Variants in FBXL7 observed in about 807,000 individuals in gnomAD.
FBXL7 encodes the protein F-box/LRR-repeat protein 7.
Under a neutral mutation model 38.3 loss-of-function variants are expected in FBXL7, and 12 were observed. The ratio of observed to expected loss-of-function variants is 0.31; its 90% CI spans 0.20 to 0.51. The LOEUF is 0.51. Ranked by LOEUF, FBXL7 falls within the 20% of genes least tolerant of loss-of-function variation. FBXL7 has a pLI of 0.98. For synonymous variants in FBXL7, 297 were observed against 300.9 expected (o/e 0.99, Z 0.13); for missense variants, 567 against 676.4 (o/e 0.84, Z 1.79).
intron 2 of FBXL7, among the ~76,000 whole-genome samples, chr5:15,690,938 T>C (rs549900740): frequency 3.9e-5 from 6 of 152,192 alleles, no homozygotes; most frequent in African/African-American, 1.4e-4. Flanking sequence ...GTGCTTGGAG[T>C]GTTATCAGTT....
intron 2 of FBXL7, among the ~76,000 whole-genome samples, chr5:15,790,059 C>T (rs1247884238): frequency 6.6e-6 from 1 of 152,164 alleles, no homozygotes; most frequent in Non-Finnish European, 1.5e-5. Flanking sequence ...CATTTCCACA[C>T]TGATGCTAAA....
intron 2 of FBXL7, among the ~76,000 whole-genome samples, chr5:15,861,991 G>A (rs1739495599): frequency 6.6e-6 from 1 of 152,136 alleles, no homozygotes; most frequent in Non-Finnish European, 1.5e-5. Context: ...ATAATTAGTG[G>A]TATAAGGTGA....
At chr5:15,829,044 A>C (rs1221274673) in intron 2 of FBXL7, among the ~76,000 whole-genome samples, 1 of 152,202 alleles carries the variant, frequency 6.6e-6, no homozygotes. Context: ...GAATGGTGAA[A>C]GATTCATGAT....
At chr5:15,856,193 A>C (rs772836543) in intron 2 of FBXL7, among the ~76,000 whole-genome samples, 78 of 152,118 alleles carry the variant, frequency 5.1e-4, no homozygotes, top group Non-Finnish European at 9.3e-4. Flanking sequence ...AAAAGCGGAA[A>C]CCCCTGATAA....
intron 1 of FBXL7, among the ~76,000 whole-genome samples, chr5:15,557,322 C>T (rs1738275731): frequency 6.6e-6 from 1 of 151,848 alleles, no homozygotes; most frequent in Non-Finnish European, 1.5e-5. Context: ...GCTGCTAAGC[C>T]CTACAAAAAT....
intron 2 of FBXL7, among the ~76,000 whole-genome samples, chr5:15,700,213 G>A (rs961435944): frequency 8.5e-5 from 13 of 152,136 alleles, no homozygotes; most frequent in African/African-American, 2.9e-4. Context: ...GAACTAAAAT[G>A]TAAACATGAG....
chr5:15,524,353 A>G (rs1241689769), intron 1 of FBXL7, among the ~76,000 whole-genome samples: 1 of 152,128 alleles, frequency 6.6e-6, no homozygotes, highest in Admixed American at 6.5e-5. Context: ...ATGACACTTA[A>G]CTTCTTGGGG....
intron 1 of FBXL7, among the ~76,000 whole-genome samples, chr5:15,568,536 G>A (rs1479822591): frequency 1.3e-5 from 2 of 151,488 alleles, no homozygotes; most frequent in African/African-American, 2.4e-5. Flanking sequence ...CCATTTTGTA[G>A]GTTGCCTGTT....
chr5:15,702,007 G>A (rs1743538535), intron 2 of FBXL7, among the ~76,000 whole-genome samples: 1 of 152,102 alleles, frequency 6.6e-6, no homozygotes, highest in Non-Finnish European at 1.5e-5. Flanking sequence ...GGAGACTGAG[G>A]CGGGCAGATC....
At chr5:15,821,281 T>A (rs1738162867) in intron 2 of FBXL7, among the ~76,000 whole-genome samples, 1 of 152,232 alleles carries the variant, frequency 6.6e-6, no homozygotes, top group African/African-American at 2.4e-5. Flanking sequence ...TAAATTAATT[T>A]TTTTAGGTTA....
At chr5:15,813,102 A>C (rs1087196) in intron 2 of FBXL7, among the ~76,000 whole-genome samples, 86,549 of 151,960 alleles carry the variant, frequency 0.57, 25,217 homozygotes, top group Non-Finnish European at 0.64. Context: ...TTCATCTCTT[A>C]CTATTTCAAT....
At chr5:15,527,229 A>C (rs1386170483) in intron 1 of FBXL7, among the ~76,000 whole-genome samples, 1 of 152,246 alleles carries the variant, frequency 6.6e-6, no homozygotes, top group Non-Finnish European at 1.5e-5. Context: ...CAGTAATGTC[A>C]GGTATAATAA....
rs768664619 is a variant in FBXL7 at position 15,808,351 on chromosome 5, A to G, written c.128-119539A>G. 3.3e-5 allele frequency among the ~76,000 whole-genome samples: 5 copies of G among 152,254 alleles called. No individual in the cohort carries two copies. The South Asian group carries it at 6.2e-4, about 19-fold the overall frequency. ...TAAGAAGGGCTTCTGAAAAAAATTC[A>G]TATATAAAACCATATATTTCCAGTT... is the stretch of plus-strand genomic sequence containing the variant. On this transcript the variant is annotated intron_variant, in intron 2 of 3. Coordinates refer to ENST00000504595, the MANE Select transcript of FBXL7 (RefSeq NM_012304.5).
chr5:15,651,929 G>T (rs528054022), intron 2 of FBXL7, among the ~76,000 whole-genome samples: 7 of 152,210 alleles, frequency 4.6e-5, no homozygotes, highest in Non-Finnish European at 8.8e-5. Context: ...ATTGGTCTTA[G>T]CTAGATCAGC....
intron 2 of FBXL7, among the ~76,000 whole-genome samples, chr5:15,816,041 T>C (rs1343102514): frequency 6.6e-6 from 1 of 152,168 alleles, no homozygotes; most frequent in Non-Finnish European, 1.5e-5. Flanking sequence ...AAATAAATTA[T>C]TATAATACAA....
chr5:15,922,801 A>G (rs1182163430), intron 2 of FBXL7, among the ~76,000 whole-genome samples: 1 of 152,224 alleles, frequency 6.6e-6, no homozygotes, highest in Non-Finnish European at 1.5e-5. Flanking sequence ...AAATGTATAT[A>G]AAAATGTAAA....
At chr5:15,566,708 A>C (rs772525645) in intron 1 of FBXL7, among the ~76,000 whole-genome samples, 1 of 152,174 alleles carries the variant, frequency 6.6e-6, no homozygotes, top group Non-Finnish European at 1.5e-5. Context: ...TGGAAAAGCA[A>C]ATGATTACTT....
intron 2 of FBXL7, among the ~76,000 whole-genome samples, chr5:15,762,729 A>ATT (rs1736483131): frequency 6.6e-6 from 1 of 152,206 alleles, no homozygotes; most frequent in Non-Finnish European, 1.5e-5. Flanking sequence ...CAATTGTCTA[A>ATT]GTTTTTCAGA....
At chr5:15,559,507 C>T (rs1004691831) in intron 1 of FBXL7, among the ~76,000 whole-genome samples, 11 of 152,248 alleles carry the variant, frequency 7.2e-5, no homozygotes, top group South Asian at 6.2e-4. Context: ...AGAGAACCGA[C>T]GTGACTTGCC....
Sources: gnomAD v4.1 joint callset for allele counts (sites outside exome capture counted in the v4.1 genomes callset) on GRCh38, gnomAD v4.1.1 for gene constraint, MANE v1.5 for transcripts, NCBI Gene and HGNC (gene_info 2026-07-23, HGNC 2026-07-21) for gene names.